Variants in ERC2 observed in about 807,000 individuals in gnomAD.
ERC2 encodes the protein ELKS/RAB6-interacting/CAST family member 2, also known as ERC protein 2.
ERC2 carries 42 observed loss-of-function variants against 114.8 expected under a neutral mutation model. The observed-to-expected ratio is 0.37, with a 90% CI of 0.29 to 0.47. The LOEUF (loss-of-function observed/expected upper bound fraction) is 0.47. Among genes scored for constraint, ERC2 ranks in the 20% least tolerant of loss-of-function variants. The pLI is 0.99. For missense variants in ERC2, 939 were observed against 1,150.7 expected (o/e 0.82, Z 2.66); for synonymous variants, 454 against 425.5 (o/e 1.07, Z -0.82).
intron 7 of ERC2, among the ~76,000 whole-genome samples, chr3:56,033,731 G>T (rs192847378): frequency 4.6e-5 from 7 of 152,206 alleles, no homozygotes; most frequent in Non-Finnish European, 7.4e-5. Context: ...TCATGTAAGA[G>T]AATTTCTCTC....
chr3:55,871,917 T>C (rs1053267444), intron 14 of ERC2, among the ~76,000 whole-genome samples: 2 of 152,182 alleles, frequency 1.3e-5, no homozygotes, highest in Non-Finnish European at 2.9e-5. Context: ...TTTAAAGAGT[T>C]TGTAATTTGG....
In ERC2 at chr3:56,376,749, C is replaced by A. The variant is rs947541632; in HGVS notation, c.657+57602G>T. Among the ~76,000 whole-genome samples the A allele has an allele frequency of 5.0e-5, 6 of 119,262 alleles. No individual in the cohort carries two copies. In the East Asian group the frequency reaches 1.5e-3, roughly 29 times the overall value. The allele number at this position is 119,262 out of a possible 152,430, so 78.2% of individuals were successfully genotyped here. A position where few individuals can be genotyped will look rare whatever the true frequency, so the allele number is the denominator to read the frequency against. ...CTGCACTCCAGCCTGGACAACAGAG[C>A]AAGACTCTGTCTCAAAAAAAAAAAA... On this transcript the variant is annotated intron_variant, in intron 2 of 17. Transcript: ENST00000288221.
intron 2 of ERC2, among the ~76,000 whole-genome samples, chr3:56,313,080 G>T (rs1473569497): frequency 1.6e-5 from 2 of 124,394 alleles, no homozygotes; most frequent in South Asian, 5.4e-4. Flanking sequence ...GAAAGAATAT[G>T]CCATACCCCA....
At chr3:55,807,033 G>C (rs768405510) in intron 14 of ERC2, among the ~76,000 whole-genome samples, 5 of 152,178 alleles carry the variant, frequency 3.3e-5, no homozygotes, top group Non-Finnish European at 7.4e-5. Flanking sequence ...GATGGCTAAA[G>C]AAGCTCCAAG....
rs2057657591 is a variant in ERC2, at chr3:55,587,381, C to T, written c.*40-76105G>A. On this transcript the variant is annotated intron_variant, in intron 17 of 17. Transcript: ENST00000288221. ...TCTTTCATCCAACATTATGTTTTTG[C>T]AATTTATCTATGTTAATGTAGGTGC... 2.0e-5 allele frequency among the ~76,000 whole-genome samples: 3 copies of T among 152,166 alleles called. No individual in the cohort carries two copies. The South Asian group carries it at 6.2e-4, about 31-fold the overall frequency.
At chr3:55,598,325 C>G (rs1007783934) in intron 17 of ERC2, among the ~76,000 whole-genome samples, 7 of 152,212 alleles carry the variant, frequency 4.6e-5, no homozygotes, top group Admixed American at 2.6e-4. Context: ...GCCATATTAT[C>G]AGCCCAATAG....
intron 6 of ERC2, among the ~76,000 whole-genome samples, chr3:56,101,009 T>C (rs1046679761): frequency 5.9e-5 from 9 of 152,252 alleles, no homozygotes; most frequent in African/African-American, 1.9e-4. Context: ...TCTGTTTTTC[T>C]CTTCATACTA....
intron 2 of ERC2, among the ~76,000 whole-genome samples, chr3:56,399,471 A>G (rs1401076546): frequency 6.6e-6 from 1 of 152,192 alleles, no homozygotes; most frequent in Non-Finnish European, 1.5e-5. Flanking sequence ...AATCTCAATT[A>G]CATCAATAAA....
intron 2 of ERC2, among the ~76,000 whole-genome samples, chr3:56,365,863 C>T (rs113228887): frequency 1.5e-4 from 23 of 152,306 alleles, no homozygotes; most frequent in African/African-American, 5.5e-4. Flanking sequence ...GGAATAAATT[C>T]TGAAAGTAAA....
At chr3:55,836,864 GGGCTGATATCCAGAATCTAC>G (rs1281482646) in intron 14 of ERC2, among the ~76,000 whole-genome samples, 4 of 152,224 alleles carry the variant, frequency 2.6e-5, no homozygotes, top group African/African-American at 4.8e-5. Context: ...ATCTGACAAA[GGGCTGATATCCAGAATCTAC>G]AATGAACTCA....
At chr3:55,604,252 C>T (rs1357893343) in intron 17 of ERC2, among the ~76,000 whole-genome samples, 1 of 151,894 alleles carries the variant, frequency 6.6e-6, no homozygotes, top group African/African-American at 2.4e-5. Flanking sequence ...CGAGACCCTC[C>T]CCTCAAACTG....
intron 2 of ERC2, among the ~76,000 whole-genome samples, chr3:56,374,846 A>G (rs965175302): frequency 6.6e-6 from 1 of 152,206 alleles, no homozygotes; most frequent in Non-Finnish European, 1.5e-5. Flanking sequence ...ATATTTTTAC[A>G]TTTCTTTTGA....
At chr3:55,755,141 A>T (rs2066969052) in intron 14 of ERC2, among the ~76,000 whole-genome samples, 1 of 149,786 alleles carries the variant, frequency 6.7e-6, no homozygotes, top group Admixed American at 6.7e-5. Context: ...TCATTTATTT[A>T]TTTCCCCCAT....
At chr3:55,598,097 G>A (rs539549126) in intron 17 of ERC2, among the ~76,000 whole-genome samples, 7 of 152,264 alleles carry the variant, frequency 4.6e-5, no homozygotes, top group Admixed American at 2.0e-4. Context: ...CCTATTATGC[G>A]TGGAGGCTGC....
At chr3:55,772,912 G>C (rs2068330606) in intron 14 of ERC2, among the ~76,000 whole-genome samples, 1 of 152,236 alleles carries the variant, frequency 6.6e-6, no homozygotes, top group Admixed American at 6.5e-5. Context: ...TTTCCTGTTG[G>C]CCCTACCTTC....
At chr3:55,558,886 C>G (rs2055810906) in intron 17 of ERC2, among the ~76,000 whole-genome samples, 1 of 152,170 alleles carries the variant, frequency 6.6e-6, no homozygotes, top group African/African-American at 2.4e-5. Context: ...ATTCTGTGAT[C>G]CTCCAGGAAG....
chr3:55,703,387 T>G (rs2063324770), intron 15 of ERC2, among the ~76,000 whole-genome samples: 1 of 152,176 alleles, frequency 6.6e-6, no homozygotes, highest in African/African-American at 2.4e-5. Context: ...TAAACCTGAG[T>G]TATATCCATT....
At chr3:56,195,159 G>A (rs1379625201) in intron 3 of ERC2, among the ~76,000 whole-genome samples, 7 of 152,038 alleles carry the variant, frequency 4.6e-5, no homozygotes, top group African/African-American at 1.7e-4. Context: ...AGGGTTCCTT[G>A]AACACAAGCA....
At chr3:56,125,012 T>A (rs2079793244) in intron 6 of ERC2, among the ~76,000 whole-genome samples, 1 of 152,224 alleles carries the variant, frequency 6.6e-6, no homozygotes, top group Admixed American at 6.5e-5. Flanking sequence ...TCATCCAACA[T>A]GTGGTTTTAC....
Sources: gnomAD v4.1 joint callset for allele counts (sites outside exome capture counted in the v4.1 genomes callset) on GRCh38, gnomAD v4.1.1 for gene constraint, MANE v1.5 for transcripts, NCBI Gene and HGNC (gene_info 2026-07-23, HGNC 2026-07-21) for gene names.